Variants in FAM168B observed in about 807,000 individuals in gnomAD.
FAM168B encodes the protein myelin-associated neurite-outgrowth inhibitor.
Under a neutral mutation model 21.8 loss-of-function variants are expected in FAM168B, and 19 were observed. The observed-to-expected ratio is 0.87, with a 90% CI of 0.61 to 1.28. FAM168B has a LOEUF of 1.28. Among genes scored for constraint, FAM168B ranks in the 50% most tolerant of loss-of-function variants. FAM168B has a pLI of 0.00. For missense variants in FAM168B, 233 were observed against 263.1 expected, an observed-to-expected ratio of 0.89 and a Z score of 0.79; for synonymous variants, 126 against 104.8, an observed-to-expected ratio of 1.20 and a Z score of -1.24.
intron 2 of FAM168B, among the ~76,000 whole-genome samples, chr2:131,076,976 A>T (rs1159221110): frequency 6.6e-6 from 1 of 152,092 alleles, no homozygotes; most frequent in Non-Finnish European, 1.5e-5. Flanking sequence ...CACACTGCTG[A>T]TAAGAACTCA....
chr2:131,071,990 CACTAGAGCTCCTGCAAA>C (rs1452558122), intron 2 of FAM168B, 52 bp from the exon 3 acceptor site: 1 of 1,516,410 alleles, frequency 6.6e-7, no homozygotes, highest in African/African-American at 1.4e-5. Context: ...TAGCGACAAT[CACTAGAGCTCCTGCAAA>C]GCCATCGCTC....
At chr2:131,086,164 T>C (rs1211309894) in intron 1 of FAM168B, among the ~76,000 whole-genome samples, 1 of 152,134 alleles carries the variant, frequency 6.6e-6, no homozygotes, top group South Asian at 2.1e-4. Flanking sequence ...AACCAAGAAA[T>C]TGTGGGGGTC....
In FAM168B at chr2:131,049,988, A is replaced by G. The variant is rs1691553581; in HGVS notation, c.*2477T>C. 1.0e-6 allele frequency: 1 copy of G among 985,394 alleles called. No homozygotes were observed. The highest frequency in any genetic ancestry group is 1.2e-6 in the Non-Finnish European group (1 of 829,952). 61.0% of individuals were successfully genotyped at this position (985,394 alleles called of 1,614,324 possible). A position where few individuals can be genotyped will look rare whatever the true frequency, so the allele number is the denominator to read the frequency against. ...TTTCGTATCTGACAGCTGACGTCCT[A>G]AAAATTTCAAAGTCAGAAAGATTTC... On this transcript the variant is annotated 3_prime_UTR_variant, in exon 7 of 7. Coordinates refer to ENST00000389915, the MANE Select transcript of FAM168B (RefSeq NM_001009993.4).
rs1309572712 is a variant in FAM168B, at chr2:131,050,018, C to A, written c.*2447G>T. On this transcript the variant is annotated 3_prime_UTR_variant, in exon 7 of 7. Transcript: ENST00000389915. Reference sequence around the variant, plus strand: ...TTTCAAAGTCAGAAAGATTTCTGCACGGATGTGCAATGCAAACTTATTTCA... The same window carrying A: ...TTTCAAAGTCAGAAAGATTTCTGCAAGGATGTGCAATGCAAACTTATTTCA... The A allele has an allele frequency of 1.0e-6, 1 of 985,424 alleles. No individual in the cohort carries two copies. 61.0% of individuals were successfully genotyped at this position (985,424 alleles called of 1,614,324 possible). A position where few individuals can be genotyped will look rare whatever the true frequency, so the allele number is the denominator to read the frequency against.
At chr2:131,084,340 G>A (rs1173059521) in intron 1 of FAM168B, among the ~76,000 whole-genome samples, 3 of 151,270 alleles carry the variant, frequency 2.0e-5, no homozygotes, top group East Asian at 2.0e-4. Context: ...CAGGTGTGGT[G>A]CCACCACATC....
chr2:131,063,115 T>TC lies in FAM168B; in HGVS notation c.155-7421_155-7420insG, dbSNP rs1558956220. Among the ~76,000 whole-genome samples, 4 of 152,316 alleles carry TC rather than the reference T, an allele frequency of 2.6e-5. No homozygotes were observed. In the East Asian group the frequency reaches 7.7e-4, roughly 29 times the overall value. Reference sequence around the variant, plus strand: ...TCGTAGAATCTTAGCAGTCCATATATAGGTGATCACTGTGAAGTTTCTGCA... The same window carrying TC: ...TCGTAGAATCTTAGCAGTCCATATATCAGGTGATCACTGTGAAGTTTCTGCA... On this transcript the variant is annotated intron_variant, in intron 3 of 6. Coordinates refer to ENST00000389915, the MANE Select transcript of FAM168B (RefSeq NM_001009993.4).
In FAM168B at chr2:131,048,672, G is replaced by C. The variant is rs1347674242; in HGVS notation, c.*3793C>G. ...AGCATGTCCTCTGCAGTATACTCAA[G>C]AGTCTGCTGCCCTTCAGAAAGCCAG... On this transcript the variant is annotated 3_prime_UTR_variant, in exon 7 of 7. Transcript: ENST00000389915. The C allele has an allele frequency of 1.0e-6, 1 of 993,084 alleles. No individual in the cohort carries two copies. Among genetic ancestry groups the C allele is most frequent in the East Asian group, 1.1e-4 (1 of 9,182 alleles). The allele number at this position is 993,084 out of a possible 1,614,324, so 61.5% of individuals were successfully genotyped here.
Position 131,052,936 on chromosome 2 carries a change from C to T in FAM168B, c.555G>A (p.Thr185=), listed in dbSNP as rs571727671. ...GAGGGGGCACATAGCTGTAAGTGGGCGTTCCTGGGGCCCGGTACGTGGGCA... is the reference window on the plus strand; with the variant it reads ...GAGGGGGCACATAGCTGTAAGTGGGTGTTCCTGGGGCCCGGTACGTGGGCA... ...VTVPTYRAPG[T]PTYSYVPPQW The change falls in exon 6 of 7, where the codon ACG becomes ACA. Residue 185 remains threonine, a synonymous_variant. Transcript: ENST00000389915. 13 of 1,562,804 alleles carry T rather than the reference C, an allele frequency of 8.3e-6. No individual in the cohort carries two copies. Among genetic ancestry groups the T allele is most frequent in the Non-Finnish European group, 1.0e-5 (12 of 1,152,814 alleles).
rs952865010 is a variant in FAM168B at position 131,048,146 on chromosome 2, G to A, written c.*4319C>T. ...AGCTTAAAAAAAGTACCGAGAGAAC[G>A]GTGTAAAAAACGGTATTTAAAAATC... On this transcript the variant is annotated 3_prime_UTR_variant, in exon 7 of 7. Transcript: ENST00000389915. The A allele has an allele frequency of 2.9e-5, 35 of 1,225,712 alleles. No homozygotes were observed. Among genetic ancestry groups the A allele is most frequent in the East Asian group, 5.9e-5 (1 of 16,950 alleles). 75.9% of individuals were successfully genotyped at this position (1,225,712 alleles called of 1,614,324 possible). A position where few individuals can be genotyped will look rare whatever the true frequency, so the allele number is the denominator to read the frequency against.
intron 1 of FAM168B, among the ~76,000 whole-genome samples, chr2:131,088,875 T>C (rs908459653): frequency 1.1e-4 from 16 of 151,896 alleles, no homozygotes; most frequent in Non-Finnish European, 4.4e-5. Context: ...ATGTTAGTGC[T>C]ACTAAAATCT....
intron 1 of FAM168B, among the ~76,000 whole-genome samples, chr2:131,089,255 T>C (rs564371290): frequency 6.7e-6 from 1 of 149,792 alleles, no homozygotes; most frequent in South Asian, 2.2e-4. Flanking sequence ...CGTGAGCCAC[T>C]GCACCGGGCC....
intron 1 of FAM168B, among the ~76,000 whole-genome samples, chr2:131,086,112 C>T (rs1693685104): frequency 6.6e-6 from 1 of 152,146 alleles, no homozygotes; most frequent in African/African-American, 2.4e-5. Flanking sequence ...AACTGCCAAT[C>T]CCTAGTCCCC....
At chr2:131,066,444 G>T (rs191975375) in intron 3 of FAM168B, among the ~76,000 whole-genome samples, 525 of 152,214 alleles carry the variant, frequency 3.4e-3, no homozygotes, top group Non-Finnish European at 5.1e-3. Flanking sequence ...CAAAGTGCTG[G>T]GATTACAGGC....
At chr2:131,071,801 T>A in intron 3 of FAM168B, 54 bp downstream of exon 3, 17 of 1,382,630 alleles carry the variant, frequency 1.2e-5, no homozygotes, top group Non-Finnish European at 1.7e-5. Context: ...AATCCACCCC[T>A]TCACCTTTCT....
chr2:131,050,960 T>G lies in FAM168B; in HGVS notation c.*1505A>C, dbSNP rs534021405. 14 of 985,388 alleles carry G rather than the reference T, an allele frequency of 1.4e-5. No individual in the cohort carries two copies. In the East Asian group the frequency reaches 1.6e-3, roughly 112 times the overall value. The allele number at this position is 985,388 out of a possible 1,614,324, so 61.0% of individuals were successfully genotyped here. On this transcript the variant is annotated 3_prime_UTR_variant, in exon 7 of 7. Coordinates refer to ENST00000389915, the MANE Select transcript of FAM168B (RefSeq NM_001009993.4). ...ACCCTCACTGAGAACCGACATGCAC[T>G]CTCATGGATACAGGACGGGCATATT...
In FAM168B at chr2:131,049,333, T is replaced by A. The variant is rs1691505565; in HGVS notation, c.*3132A>T. 1 of 985,290 alleles carries A rather than the reference T, an allele frequency of 1.0e-6. No homozygotes were observed. Among genetic ancestry groups the A allele is most frequent in the African/African-American group, 1.7e-5 (1 of 57,182 alleles). 61.0% of individuals were successfully genotyped at this position (985,290 alleles called of 1,614,324 possible). ...CCCCAAGGCTCAGGACCACCCCCAT[T>A]GCCTGTGAACACATTTGCATAGCAC... On this transcript the variant is annotated 3_prime_UTR_variant, in exon 7 of 7. Coordinates refer to ENST00000389915, the MANE Select transcript of FAM168B (RefSeq NM_001009993.4).
chr2:131,067,049 TG>T (rs1348236308), intron 3 of FAM168B, among the ~76,000 whole-genome samples: 2 of 152,082 alleles, frequency 1.3e-5, no homozygotes, highest in South Asian at 2.1e-4. Context: ...TTCACTATCA[TG>T]GGAACAGCAC....
intron 3 of FAM168B, among the ~76,000 whole-genome samples, chr2:131,069,425 C>G (rs369607821): frequency 1.3e-5 from 2 of 152,070 alleles, no homozygotes; most frequent in East Asian, 1.9e-4. Flanking sequence ...GTAAAACCTA[C>G]AAGTGTAAAA....
intron 1 of FAM168B, among the ~76,000 whole-genome samples, chr2:131,089,453 C>A (rs533535891): frequency 1.3e-5 from 2 of 151,774 alleles, no homozygotes; most frequent in African/African-American, 2.4e-5. Context: ...AAAGACCTGG[C>A]CAGGCGCAGT....
Sources: allele counts gnomAD v4.1 joint callset (sites outside exome capture counted in the v4.1 genomes callset), GRCh38; gene constraint gnomAD v4.1.1; transcripts MANE v1.5; gene names NCBI Gene and HGNC (gene_info 2026-07-23, HGNC 2026-07-21).